RGSL1: variants seen among roughly 807,000 people sequenced by gnomAD.
The protein encoded by RGSL1 is regulator of G protein signaling like 1.
Under a neutral mutation model 124.7 loss-of-function variants are expected in RGSL1, and 97 were observed. The observed-to-expected ratio is 0.78, with a 90% CI of 0.66 to 0.92. RGSL1 has a LOEUF of 0.92. RGSL1 is among the 40% of genes least tolerant of loss of function. The pLI is 0.00. For synonymous variants in RGSL1, 424 were observed against 438.1 expected, an observed-to-expected ratio of 0.97 and a Z score of 0.40; for missense variants, 1,233 against 1,288.4, an observed-to-expected ratio of 0.96 and a Z score of 0.66.
chr1:182,459,459 G>C (rs1281835445), intron 3 of RGSL1, among the ~76,000 whole-genome samples: 1 of 152,070 alleles, frequency 6.6e-6, no homozygotes, highest in Non-Finnish European at 1.5e-5. Flanking sequence ...GCTTATGTTT[G>C]ATTTCCCAAG....
intron 9 of RGSL1, among the ~76,000 whole-genome samples, chr1:182,508,258 T>G: frequency 6.7e-6 from 1 of 150,290 alleles, no homozygotes; most frequent in Non-Finnish European, 1.5e-5. Context: ...GTAATTTTGT[T>G]GGTGGTGGTG....
intron 9 of RGSL1, among the ~76,000 whole-genome samples, chr1:182,493,619 C>T (rs1655692443): frequency 6.6e-6 from 1 of 152,208 alleles, no homozygotes; most frequent in African/African-American, 2.4e-5. Context: ...AGAGTTGTCC[C>T]TCAGTGAGGT....
In RGSL1 at chr1:182,529,071, G is replaced by A. The variant is rs540669932; in HGVS notation, c.2126-1173G>A. ...ACCTGGTCCTGCCCTTGACACATGG[G>A]GATTATTACAATTCAAGGTGAGATT... On this transcript the variant is annotated intron_variant, in intron 11 of 21. Transcript: ENST00000294854. 5.9e-5 allele frequency among the ~76,000 whole-genome samples: 9 copies of A among 152,186 alleles called. No homozygotes were observed. In the South Asian group the frequency reaches 1.7e-3, roughly 28 times the overall value.
chr1:182,507,514 C>T (rs1656906296), intron 9 of RGSL1, among the ~76,000 whole-genome samples: 1 of 152,154 alleles, frequency 6.6e-6, no homozygotes, highest in Admixed American at 6.5e-5. Flanking sequence ...TTTCACGTAA[C>T]ATAGTGACCA....
At position 182,555,093 on chromosome 1, in the gene RGSL1, T is replaced by C. The variant is rs75078730; in HGVS notation, c.3197+400T>C. 9.3e-3 allele frequency: 1,705 copies of C among 183,716 alleles called. 34 individuals are homozygous for C. Among genetic ancestry groups the C allele is most frequent in the African/African-American group, 0.037 (1,571 of 42,796 alleles). The allele number at this position is 183,716 out of a possible 1,614,324, so 11.4% of individuals were successfully genotyped here. A position where few individuals can be genotyped will look rare whatever the true frequency, so the allele number is the denominator to read the frequency against. ...TAGTGTAGTCATGATCCAAATAGTA[T>C]ACATTGTGCCCATTAGGTAATTTCT... On this transcript the variant is annotated intron_variant, in intron 20 of 21. Coordinates refer to ENST00000294854, the MANE Select transcript of RGSL1 (RefSeq NM_001137669.2).
intron 8 of RGSL1, among the ~76,000 whole-genome samples, chr1:182,492,674 G>A (rs543317953): frequency 6.6e-6 from 1 of 151,144 alleles, no homozygotes; most frequent in African/African-American, 2.4e-5. Flanking sequence ...GCCCAGGCTG[G>A]ATGGAGTGCA....
At chr1:182,522,195 C>A in intron 10 of RGSL1, 86 bp downstream of exon 10, 1 of 921,942 alleles carries the variant, frequency 1.1e-6, no homozygotes, top group Non-Finnish European at 1.7e-6. Flanking sequence ...ACTTATCTTT[C>A]TATGTGTAGG....
chr1:182,473,690 C>T lies in RGSL1; in HGVS notation c.579C>T (p.Asn193=). 6.4e-7 allele frequency: 1 copy of T among 1,551,650 alleles called. No individual in the cohort carries two copies. Among genetic ancestry groups the T allele is most frequent in the Non-Finnish European group, 8.7e-7 (1 of 1,146,990 alleles). ...AACTCCAGAGCTATTGGCTTCCCAA[C>T]TTTTACACCCACACCAAGATGACCA... ...LFKLQSYWLP[N]FYTHTKMTMA... Residue 193 remains asparagine, a synonymous_variant, in exon 6 of 22, where the codon AAC becomes AAT. Transcript: ENST00000294854.
chr1:182,508,680 T>TTTG (rs1553266394), intron 9 of RGSL1, among the ~76,000 whole-genome samples: 7 of 149,220 alleles, frequency 4.7e-5, no homozygotes, highest in African/African-American at 1.8e-4. Flanking sequence ...TTGTTTTTTT[T>TTTG]TTTTTTTTTT....
chr1:182,511,959 TG>T (rs573314102), intron 9 of RGSL1, among the ~76,000 whole-genome samples: 161 of 152,292 alleles, frequency 1.1e-3, no homozygotes, highest in African/African-American at 3.7e-3. Flanking sequence ...TTCACTTCTT[TG>T]GTTAAATTGA....
intron 9 of RGSL1, among the ~76,000 whole-genome samples, chr1:182,518,816 T>C (rs2444557): frequency 0.12 from 17,565 of 152,128 alleles, 1,326 homozygotes; most frequent in Non-Finnish European, 0.17. Context: ...CATATTATAT[T>C]TGAGTTCCAG....
In RGSL1 at chr1:182,454,038, C is replaced by T; in HGVS notation, c.94C>T (p.Pro32Ser). Residue 32 changes from proline to serine, a missense_variant and splice_region_variant, in exon 2 of 22, where the codon CCG (proline) becomes TCG (serine). Coordinates refer to ENST00000294854, the MANE Select transcript of RGSL1 (RefSeq NM_001137669.2). ...TTTTTTCAACACATTTCTTTCCCTC[C>T]CGGTAAGCATTCTCAGATTTAAATA... is the stretch of plus-strand genomic sequence containing the variant. Reference protein sequence around the residue: ...ADFFNTFLSLPVFGQTPFYTV... With the variant: ...ADFFNTFLSLSVFGQTPFYTV... 1 of 1,496,764 alleles carries T rather than the reference C, an allele frequency of 6.7e-7. No homozygotes were observed. Among genetic ancestry groups the T allele is most frequent in the Non-Finnish European group, 9.1e-7 (1 of 1,097,126 alleles). The allele number at this position is 1,496,764 out of a possible 1,614,324, so 92.7% of individuals were successfully genotyped here.
intron 9 of RGSL1, among the ~76,000 whole-genome samples, chr1:182,502,270 C>T (rs926791088): frequency 2.0e-5 from 3 of 152,098 alleles, no homozygotes; most frequent in African/African-American, 4.8e-5. Flanking sequence ...TTTATTATTC[C>T]TTTCTTCTAC....
chr1:182,544,272 G>A (rs914661678), intron 15 of RGSL1, among the ~76,000 whole-genome samples: 1 of 151,966 alleles, frequency 6.6e-6, no homozygotes, highest in African/African-American at 2.4e-5. Context: ...TCATTCAGGA[G>A]CATGTTTTTT....
At chr1:182,486,461 T>C (rs1350163806) in intron 6 of RGSL1, among the ~76,000 whole-genome samples, 3 of 151,918 alleles carry the variant, frequency 2.0e-5, no homozygotes, top group Admixed American at 6.6e-5. Context: ...GTACTCCCTG[T>C]GGGTGGCATG....
rs1195917421 is a variant in RGSL1 at position 182,493,134 on chromosome 1, G to A, written c.1825+5G>A. Reference sequence around the variant, plus strand: ...GTGAGAAAGCACCTAAAATAGGCAAGTGTTTAAAATCAGGGATAGACGAGG... The same window carrying A: ...GTGAGAAAGCACCTAAAATAGGCAAATGTTTAAAATCAGGGATAGACGAGG... On this transcript the variant is annotated splice_donor_5th_base_variant and intron_variant, in intron 9 of 21. Transcript: ENST00000294854. 1.3e-6 allele frequency: 2 copies of A among 1,533,144 alleles called. No homozygotes were observed. Among genetic ancestry groups the A allele is most frequent in the Non-Finnish European group, 1.8e-6 (2 of 1,130,588 alleles). The allele number at this position is 1,533,144 out of a possible 1,614,324, so 95.0% of individuals were successfully genotyped here.
At chr1:182,518,928 G>A (rs899491642) in intron 9 of RGSL1, among the ~76,000 whole-genome samples, 4 of 150,878 alleles carry the variant, frequency 2.7e-5, no homozygotes, top group Admixed American at 1.3e-4. Flanking sequence ...TGCCATTTTG[G>A]TACTCTATGT....
chr1:182,472,443 A>G lies in RGSL1; in HGVS notation c.349A>G (p.Ile117Val). 6 of 1,551,236 alleles carry G rather than the reference A, an allele frequency of 3.9e-6. No individual in the cohort carries two copies. The highest frequency in any genetic ancestry group is 5.2e-6 in the Non-Finnish European group (6 of 1,146,688). The change falls in exon 5 of 22, where the codon ATA (isoleucine) becomes GTA (valine). Residue 117 changes from isoleucine to valine, a missense_variant. Transcript: ENST00000294854. ...GATCCTTGCTGAGAACATCCTGAGC[A>G]TAGATGAGATGGACCTGGAAGTGAG... ...FWILAENILS[I>V]DEMDLEVRDY...
rs202198386 is a variant in RGSL1, at chr1:182,473,844, C to A, written c.733C>A (p.Arg245=). The stretch of plus-strand genomic sequence containing the variant: ...CAAGAAGTGCCACCACTTTCAGAAA[C>A]GGTACTCAAGCAGGAAAGCCAAGAG... The part of the protein sequence containing the change: ...SIKKCHHFQK[R]YSSRKAKRKM... The change falls in exon 6 of 22, where the codon CGG becomes AGG. Residue 245 remains arginine, a synonymous_variant. Transcript: ENST00000294854. 14 of 1,551,696 alleles carry A rather than the reference C, an allele frequency of 9.0e-6. No individual in the cohort carries two copies. Among genetic ancestry groups the A allele is most frequent in the Non-Finnish European group, 1.2e-5 (14 of 1,146,996 alleles).
Sources: allele counts gnomAD v4.1 joint callset (sites outside exome capture counted in the v4.1 genomes callset), GRCh38; gene constraint gnomAD v4.1.1; transcripts MANE v1.5; gene names NCBI Gene and HGNC (gene_info 2026-07-23, HGNC 2026-07-21).